The following VWA8 variants were observed in gnomAD, a reference collection of about 807,000 sequenced individuals.
VWA8 encodes the protein von Willebrand factor A domain-containing protein 8.
A neutral mutation model predicts 241.5 loss-of-function variants in VWA8; 221 were observed. That is an observed-to-expected ratio of 0.91 (90% CI 0.82 to 1.02). The LOEUF is 1.02. VWA8 is among the 50% of genes least tolerant of loss of function. The probability of loss-of-function intolerance (pLI) is 0.00; values close to 1 mark genes in which losing one functional copy is unlikely to be tolerated. For synonymous variants in VWA8, 852 were observed against 827.1 expected (o/e 1.03, Z -0.52); for missense variants, 2,322 against 2,328.7 (o/e 1.00, Z 0.06).
At chr13:41,618,281 G>T (rs1230146417) in intron 37 of VWA8, among the ~76,000 whole-genome samples, 1 of 152,184 alleles carries the variant, frequency 6.6e-6, no homozygotes, top group Non-Finnish European at 1.5e-5. Context: ...GTCTTCTTTT[G>T]AAAAGCGTCT....
In VWA8 at chr13:41,626,088, G is replaced by A. The variant is rs867387131; in HGVS notation, c.4612-11004C>T. 1.9e-4 allele frequency among the ~76,000 whole-genome samples: 22 copies of A among 113,116 alleles called. No individual in the cohort carries two copies. The South Asian group carries it at 8.8e-3, about 45-fold the overall frequency. 74.2% of individuals were successfully genotyped at this position (113,116 alleles called of 152,430 possible). A position where few individuals can be genotyped will look rare whatever the true frequency, so the allele number is the denominator to read the frequency against. ...CACACTCTGGGGACTGTTGTGGGGT[G>A]GGGGGAGGGGGGAGGGATAGCATTA... On this transcript the variant is annotated intron_variant, in intron 37 of 44. Transcript: ENST00000379310.
At chr13:41,667,534 T>G (rs9805431) in intron 37 of VWA8, among the ~76,000 whole-genome samples, 5,243 of 152,266 alleles carry the variant, frequency 0.034, 295 homozygotes, top group African/African-American at 0.12. Flanking sequence ...TGCAGAGAGA[T>G]CCTACCAGCA....
At chr13:41,574,598 A>G (rs191144602) in intron 43 of VWA8, among the ~76,000 whole-genome samples, 318 of 152,364 alleles carry the variant, frequency 2.1e-3, no homozygotes, top group African/African-American at 7.0e-3. Flanking sequence ...GAACCAAAAA[A>G]GAGCCCAGAT....
intron 8 of VWA8, among the ~76,000 whole-genome samples, chr13:41,884,305 T>C (rs749393192): frequency 8.5e-5 from 13 of 152,282 alleles, no homozygotes; most frequent in Non-Finnish European, 1.8e-4. Context: ...TGAGTTCTCA[T>C]GAGATCTGAT....
intron 17 of VWA8, among the ~76,000 whole-genome samples, chr13:41,805,322 G>T (rs1170077733): frequency 1.3e-5 from 2 of 152,136 alleles, no homozygotes; most frequent in Admixed American, 1.3e-4. Flanking sequence ...AAGAGACTAA[G>T]AAGACTGCTA....
At chr13:41,719,465 TATAC>T (rs1335146820) in intron 26 of VWA8, 122 bp downstream of exon 26, 3 of 1,536,398 alleles carry the variant, frequency 2.0e-6, no homozygotes, top group Non-Finnish European at 2.6e-6. Flanking sequence ...AACAGCAACA[TATAC>T]ATGTATTTGA....
intron 29 of VWA8, among the ~76,000 whole-genome samples, chr13:41,693,576 C>G (rs2045193706): frequency 6.6e-6 from 1 of 152,026 alleles, no homozygotes; most frequent in Non-Finnish European, 1.5e-5. Flanking sequence ...GCTTGAAGAA[C>G]CTTCATAACT....
chr13:41,683,787 T>C (rs931708746), intron 35 of VWA8, among the ~76,000 whole-genome samples: 7 of 152,090 alleles, frequency 4.6e-5, no homozygotes, highest in East Asian at 1.9e-4. Context: ...ATACAAGATA[T>C]ATTTGCAAGG....
At position 41,609,898 on chromosome 13, in the gene VWA8, A is replaced by G. The variant is rs572891097; in HGVS notation, c.4877+1678T>C. Among the ~76,000 whole-genome samples the G allele has an allele frequency of 1.8e-3, 276 of 152,194 alleles. 1 individual carries two copies. The highest frequency in any genetic ancestry group is 3.9e-3 in the Admixed American group (60 of 15,260). Reference sequence around the variant, plus strand: ...TCTCTTTCCTCTCTTACATCCGCTAAATTCATTTGCGTTAAGGGCACAGAT... The same window carrying G: ...TCTCTTTCCTCTCTTACATCCGCTAGATTCATTTGCGTTAAGGGCACAGAT... On this transcript the variant is annotated intron_variant, in intron 39 of 44. Coordinates refer to ENST00000379310, the MANE Select transcript of VWA8 (RefSeq NM_015058.2).
intron 14 of VWA8, among the ~76,000 whole-genome samples, chr13:41,822,561 A>G (rs182446190): frequency 1.3e-5 from 2 of 152,282 alleles, no homozygotes; most frequent in East Asian, 3.9e-4. Flanking sequence ...CATCATTGCT[A>G]TTAACTTTTT....
At chr13:41,856,815 C>T (rs1872769992) in intron 12 of VWA8, among the ~76,000 whole-genome samples, 1 of 149,780 alleles carries the variant, frequency 6.7e-6, no homozygotes, top group African/African-American at 2.5e-5. Context: ...CATAGCCAGG[C>T]CTTGTCTCAA....
intron 2 of VWA8, among the ~76,000 whole-genome samples, chr13:41,946,245 A>G (rs950850859): frequency 7.9e-5 from 12 of 152,176 alleles, no homozygotes; most frequent in Non-Finnish European, 4.4e-5. Context: ...CACCACTAGC[A>G]AACCTGCCAT....
chr13:41,758,805 C>A (rs1347538407), intron 21 of VWA8, among the ~76,000 whole-genome samples: 2 of 150,968 alleles, frequency 1.3e-5, no homozygotes, highest in African/African-American at 4.8e-5. Flanking sequence ...TAGCTATAGG[C>A]TTTTTATAGA....
At chr13:41,868,197 C>T in intron 10 of VWA8, 149 bp downstream of exon 10, 2 of 823,664 alleles carry the variant, frequency 2.4e-6, no homozygotes, top group Non-Finnish European at 1.8e-6. Context: ...TATAAGCACA[C>T]ATGACTCTGG....
chr13:41,795,374 G>A (rs1566460541), intron 17 of VWA8, among the ~76,000 whole-genome samples: 1 of 152,168 alleles, frequency 6.6e-6, no homozygotes, highest in Non-Finnish European at 1.5e-5. Context: ...CAACCATTGT[G>A]GAAGACAATG....
chr13:41,590,766 C>T lies in VWA8; in HGVS notation c.4987-1G>A. 3 of 1,613,798 alleles carry T rather than the reference C, an allele frequency of 1.9e-6. No individual in the cohort carries two copies. Among genetic ancestry groups the T allele is most frequent in the Non-Finnish European group, 2.5e-6 (3 of 1,179,844 alleles). On this transcript the variant is annotated splice_acceptor_variant, in intron 40 of 44. Transcript: ENST00000379310. LOFTEE classifies it high-confidence loss of function. ...GCCATTGTCTTTCTTTACCTTTAGC[C>T]TACAAAAGACACACATACACACACA...
At chr13:41,637,132 A>C (rs1303750778) in intron 37 of VWA8, among the ~76,000 whole-genome samples, 1 of 151,620 alleles carries the variant, frequency 6.6e-6, no homozygotes, top group African/African-American at 2.4e-5. Context: ...TTATTGCGGC[A>C]CTATTCACAA....
Position 41,961,039 on chromosome 13 carries a change from C to A in VWA8, c.-24G>T, listed in dbSNP as rs1379066868. 7.4e-7 allele frequency: 1 copy of A among 1,353,610 alleles called. No homozygotes were observed. Among genetic ancestry groups the A allele is most frequent in the Non-Finnish European group, 9.4e-7 (1 of 1,059,212 alleles). The allele number at this position is 1,353,610 out of a possible 1,614,324, so 83.8% of individuals were successfully genotyped here. On this transcript the variant is annotated 5_prime_UTR_variant, in exon 1 of 45. Transcript: ENST00000379310. ...ATGGCGCCGGGGGGGCTGTCGGGGACGGCGAGGGGGCTCGGGGATCGAGCG... is the reference window on the plus strand; with the variant it reads ...ATGGCGCCGGGGGGGCTGTCGGGGAAGGCGAGGGGGCTCGGGGATCGAGCG...
chr13:41,913,972 T>C (rs1876132446), intron 2 of VWA8, among the ~76,000 whole-genome samples: 1 of 152,260 alleles, frequency 6.6e-6, no homozygotes, highest in African/African-American at 2.4e-5. Flanking sequence ...CCAGGCATGG[T>C]GGCTCACGCC....
Sources: allele counts gnomAD v4.1 joint callset (sites outside exome capture counted in the v4.1 genomes callset), GRCh38; gene constraint gnomAD v4.1.1; transcripts MANE v1.5; gene names NCBI Gene and HGNC (gene_info 2026-07-23, HGNC 2026-07-21).